The following IQCM variants were observed in gnomAD, a reference collection of about 807,000 sequenced individuals.
IQCM encodes the protein IQ motif containing M.
In IQCM, 45 loss-of-function variants were observed where a neutral mutation model predicts 57.6. The observed-to-expected ratio is 0.78, with a 90% CI of 0.62 to 1.00. IQCM has a LOEUF of 1.00. IQCM is among the 50% of genes least tolerant of loss of function. The probability of loss-of-function intolerance (pLI) is 0.00; values close to 1 mark genes in which losing one functional copy is unlikely to be tolerated. For missense variants in IQCM, 468 were observed against 511.6 expected, an observed-to-expected ratio of 0.91 and a Z score of 0.82; for synonymous variants, 148 against 158.9, an observed-to-expected ratio of 0.93 and a Z score of 0.51.
chr4:149,618,765 C>T (rs1004907654), intron 8 of IQCM, among the ~76,000 whole-genome samples: 1 of 151,956 alleles, frequency 6.6e-6, no homozygotes, highest in African/African-American at 2.4e-5. Flanking sequence ...CAAAGAAATG[C>T]AAATTAAAAC....
At chr4:149,724,476 C>T (rs1031613504) in intron 5 of IQCM, among the ~76,000 whole-genome samples, 3 of 151,974 alleles carry the variant, frequency 2.0e-5, no homozygotes, top group African/African-American at 7.2e-5. Context: ...CTCTTTCTCT[C>T]TCTCTCTGAC....
intron 7 of IQCM, among the ~76,000 whole-genome samples, chr4:149,647,117 G>A (rs1566800): frequency 0.5 from 76,156 of 151,850 alleles, 19,405 homozygotes; most frequent in South Asian, 0.59. Flanking sequence ...GAAACCCGCT[G>A]CTAGTCTGAA....
intron 13 of IQCM, among the ~76,000 whole-genome samples, chr4:149,385,317 C>T (rs974033583): frequency 2.6e-5 from 4 of 151,968 alleles, no homozygotes; most frequent in African/African-American, 9.7e-5. Context: ...AGCCGAAAAA[C>T]GAGTACAAGG....
intron 2 of IQCM, among the ~76,000 whole-genome samples, chr4:149,811,074 AT>A (rs1466548644): frequency 6.6e-6 from 1 of 152,212 alleles, no homozygotes; most frequent in Non-Finnish European, 1.5e-5. Flanking sequence ...AAGCCTAAAA[AT>A]TTCTAAAATA....
chr4:149,395,632 C>T (rs1335829140), intron 13 of IQCM, among the ~76,000 whole-genome samples: 1 of 151,996 alleles, frequency 6.6e-6, no homozygotes, highest in African/African-American at 2.4e-5. Flanking sequence ...ATGTGGTTGT[C>T]TTTGCCAAAG....
intron 13 of IQCM, among the ~76,000 whole-genome samples, chr4:149,429,053 G>A (rs1734643872): frequency 6.6e-6 from 1 of 151,834 alleles, no homozygotes; most frequent in Admixed American, 6.6e-5. Context: ...TTTCTAGAAA[G>A]ATAATAGCTA....
At chr4:149,555,187 A>C (rs1244032563) in intron 10 of IQCM, among the ~76,000 whole-genome samples, 2 of 152,112 alleles carry the variant, frequency 1.3e-5, no homozygotes, top group South Asian at 2.1e-4. Flanking sequence ...AACATTTTTC[A>C]ATGTGTATTT....
chr4:149,667,425 G>A (rs1579923956), intron 7 of IQCM, among the ~76,000 whole-genome samples: 1 of 152,034 alleles, frequency 6.6e-6, no homozygotes, highest in East Asian at 1.9e-4. Flanking sequence ...CCTATCTGAA[G>A]GTCACCAACA....
intron 10 of IQCM, among the ~76,000 whole-genome samples, chr4:149,554,191 T>C (rs1749315511): frequency 6.6e-6 from 1 of 152,216 alleles, no homozygotes; most frequent in Admixed American, 6.5e-5. Flanking sequence ...GCATACCGTA[T>C]TATAAATGAA....
chr4:149,518,223 T>C (rs1177698270), intron 12 of IQCM, among the ~76,000 whole-genome samples: 4 of 152,120 alleles, frequency 2.6e-5, no homozygotes, highest in African/African-American at 9.7e-5. Context: ...AGTATACTCC[T>C]ACCATGAAGG....
chr4:149,591,010 T>C (rs187338959), intron 8 of IQCM, among the ~76,000 whole-genome samples: 15 of 152,176 alleles, frequency 9.9e-5, no homozygotes, highest in African/African-American at 3.1e-4. Context: ...TTCTAAACAC[T>C]TGGCTGAATA....
chr4:149,759,360 T>C (rs1250023173), intron 2 of IQCM, among the ~76,000 whole-genome samples: 1 of 152,144 alleles, frequency 6.6e-6, no homozygotes, highest in Admixed American at 6.6e-5. Flanking sequence ...TCCAAACCCA[T>C]AGAATGTATA....
At chr4:149,669,287 A>G (rs1448346040) in intron 7 of IQCM, among the ~76,000 whole-genome samples, 3 of 152,118 alleles carry the variant, frequency 2.0e-5, no homozygotes, top group Non-Finnish European at 1.5e-5. Context: ...TCTTTCGAGA[A>G]GTGTCTATTC....
chr4:149,674,118 A>G (rs1761546871), intron 7 of IQCM, among the ~76,000 whole-genome samples: 1 of 152,146 alleles, frequency 6.6e-6, no homozygotes, highest in Non-Finnish European at 1.5e-5. Context: ...TTCTCAGAAA[A>G]AGATACAATG....
intron 13 of IQCM, among the ~76,000 whole-genome samples, chr4:149,412,771 T>C (rs1733479278): frequency 6.6e-6 from 1 of 152,208 alleles, no homozygotes; most frequent in African/African-American, 2.4e-5. Context: ...CTTAATGTTT[T>C]ATATCATGGT....
chr4:149,614,535 C>T (rs921864931), intron 8 of IQCM, among the ~76,000 whole-genome samples: 5 of 152,062 alleles, frequency 3.3e-5, no homozygotes, highest in African/African-American at 7.2e-5. Flanking sequence ...ACAATTTTCC[C>T]GCTACCCCTT....
rs530571550 is a variant in IQCM, at chr4:149,454,991, C to T, written c.1229-21434G>A. Among the ~76,000 whole-genome samples, 4 of 152,118 alleles carry T rather than the reference C, an allele frequency of 2.6e-5. 1 individual carries two copies. The South Asian group carries it at 8.3e-4, about 31-fold the overall frequency. On this transcript the variant is annotated intron_variant, in intron 12 of 13. Transcript: ENST00000636793. ...GAATACCCTATCATTGAGTAATACA[C>T]ATGATCTCCAACTTAGGATGGTTCA... is the stretch of plus-strand genomic sequence containing the variant.
intron 2 of IQCM, among the ~76,000 whole-genome samples, chr4:149,787,878 T>G (rs1397380966): frequency 6.6e-6 from 1 of 152,052 alleles, no homozygotes; most frequent in African/African-American, 2.4e-5. Flanking sequence ...AAGGAAGCAA[T>G]CAACAAAGAG....
At chr4:149,631,985 A>C (rs964667989) in intron 7 of IQCM, among the ~76,000 whole-genome samples, 2 of 152,226 alleles carry the variant, frequency 1.3e-5, no homozygotes, top group Admixed American at 6.5e-5. Context: ...TCTACACCAC[A>C]TAGAAATAAT....
Sources: gnomAD v4.1 joint callset for allele counts (sites outside exome capture counted in the v4.1 genomes callset) on GRCh38, gnomAD v4.1.1 for gene constraint, MANE v1.5 for transcripts, NCBI Gene and HGNC (gene_info 2026-07-23, HGNC 2026-07-21) for gene names.